DCTN1: variants seen among roughly 807,000 people sequenced by gnomAD.
DCTN1 encodes dynactin subunit 1.
DCTN1 carries 61 observed loss-of-function variants against 161.2 expected under a neutral mutation model. The ratio of observed to expected loss-of-function variants is 0.38; its 90% CI spans 0.31 to 0.47. DCTN1 has a LOEUF of 0.47. Ranked by LOEUF, DCTN1 falls within the 20% of genes least tolerant of loss-of-function variation. The pLI is 0.99. For missense variants in DCTN1, 1,404 were observed against 1,623.7 expected (o/e 0.86, Z 2.33); for synonymous variants, 653 against 632.4 (o/e 1.03, Z -0.49).
chr2:74,382,785 T>C (rs901186661), upstream of DCTN1, among the ~76,000 whole-genome samples: 2 of 151,888 alleles, frequency 1.3e-5, no homozygotes, highest in African/African-American at 2.4e-5. Flanking sequence ...TTAAAAAATA[T>C]GTGGAGGCCG....
chr2:74,377,830 C>T, intron 2 of DCTN1, 104 bp from the exon 3 acceptor site: 3 of 1,451,976 alleles, frequency 2.1e-6, no homozygotes, highest in Non-Finnish European at 2.9e-6. Flanking sequence ...ACCAAGAGTA[C>T]AGGGCAGCTT....
intron 3 of DCTN1, 82 bp from the exon 4 acceptor site, chr2:74,377,548 GA>G (rs1451773367): frequency 1.8e-5 from 27 of 1,532,648 alleles, no homozygotes; most frequent in Non-Finnish European, 2.4e-5. Flanking sequence ...GGTAGTGACG[GA>G]AAAAAATCTT....
In DCTN1 at chr2:74,363,140, G is replaced by C. The variant is rs751698014; in HGVS notation, c.3383C>G (p.Pro1128Arg). 1.2e-6 allele frequency: 2 copies of C among 1,614,038 alleles called. No individual in the cohort carries two copies. Among genetic ancestry groups the C allele is most frequent in the Non-Finnish European group, 1.7e-6 (2 of 1,180,014 alleles). Residue 1128 changes from proline (P) to arginine (R), a missense_variant, in exon 29 of 32, where the codon CCT (proline) becomes CGT (arginine). Coordinates refer to ENST00000628224, the MANE Select transcript of DCTN1 (RefSeq NM_004082.5). Reference protein sequence around the residue: ...QMKASLASLPPLHVAKLSHEG... With the variant: ...QMKASLASLPRLHVAKLSHEG... ...ATGGGATAGCTTTGCAACATGCAGA[G>C]GGGGCAGGGATGCCAAGGATGCCTT...
chr2:74,379,988 A>AG lies in DCTN1; in HGVS notation c.33+16dup. 1 of 1,613,908 alleles carries AG rather than the reference A, an allele frequency of 6.2e-7. No individual in the cohort carries two copies. The highest frequency in any genetic ancestry group is 8.5e-7 in the Non-Finnish European group (1 of 1,179,826). Reference sequence around the variant, plus strand: ...CCCAGCAGCCCTCCAGGGCCATCCCAGATTAGGGCCACTTACCCGGCTGTA... The same window carrying AG: ...CCCAGCAGCCCTCCAGGGCCATCCCAGGATTAGGGCCACTTACCCGGCTGTA... On this transcript the variant is annotated intron_variant, in intron 1 of 31. Coordinates refer to ENST00000628224, the MANE Select transcript of DCTN1 (RefSeq NM_004082.5).
At position 74,368,058 on chromosome 2, in the gene DCTN1, C is replaced by G. The variant is rs555733849; in HGVS notation, c.1928G>C (p.Arg643Pro). 6.2e-7 allele frequency: 1 copy of G among 1,613,474 alleles called. No homozygotes were observed. Among genetic ancestry groups the G allele is most frequent in the Non-Finnish European group, 8.5e-7 (1 of 1,179,688 alleles). ...GCTGAGTTGCTCCCCAGCAGCTCCT[C>G]GCAGCCCAGGCCGCTCTGAACAGTT... ...SENCSERPGL[R>P]GAAGEQLSFA... Residue 643 changes from arginine (R) to proline (P), a missense_variant, in exon 17 of 32, where the codon CGA becomes CCA. Coordinates refer to ENST00000628224, the MANE Select transcript of DCTN1 (RefSeq NM_004082.5).
At chr2:74,384,476 G>T (rs979501195), upstream of DCTN1, among the ~76,000 whole-genome samples, 71 of 152,284 alleles carry the variant, frequency 4.7e-4, no homozygotes, top group African/African-American at 1.7e-3. Flanking sequence ...CCTCTCCAAT[G>T]ATATTAAATA....
At chr2:74,391,557 G>C (rs143942360) in intron 1 of DCTN1, 2 of 327,966 alleles carry the variant, frequency 6.1e-6, no homozygotes, top group East Asian at 9.9e-5. Context: ...AGTTCTGGAG[G>C]AACTCTAAGG....
At position 74,368,521 on chromosome 2, in the gene DCTN1, C is replaced by A. The variant is rs951554176; in HGVS notation, c.1854+207G>T. On this transcript the variant is annotated intron_variant, in intron 16 of 31. Transcript: ENST00000628224. Reference sequence around the variant, plus strand: ...CACCCTGCTCACCTCTAAATCAAATCTCTAATTGTGCTCTCTCACAGAACC... The same window carrying A: ...CACCCTGCTCACCTCTAAATCAAATATCTAATTGTGCTCTCTCACAGAACC... The A allele has an allele frequency of 3.7e-5, 27 of 730,786 alleles. No homozygotes were observed. In the African/African-American group the frequency reaches 4.4e-4, roughly 12 times the overall value. The allele number at this position is 730,786 out of a possible 1,614,324, so 45.3% of individuals were successfully genotyped here.
chr2:74,389,815 G>A (rs553670710), intron 1 of DCTN1, among the ~76,000 whole-genome samples: 18 of 152,286 alleles, frequency 1.2e-4, no homozygotes, highest in African/African-American at 4.3e-4. Flanking sequence ...GTTCTGTAAA[G>A]TGTCATACAT....
At chr2:74,364,750 T>A (rs1674274488) in intron 26 of DCTN1, 2 of 402,636 alleles carry the variant, frequency 5.0e-6, no homozygotes, top group Admixed American at 3.6e-5. Context: ...AGCCTGCTGC[T>A]GGCTGACAAC....
rs973566164 is a variant in DCTN1, at chr2:74,374,703, C to G, written c.415-363G>C. The G allele has an allele frequency of 4.2e-6, 5 of 1,193,086 alleles. No individual in the cohort carries two copies. The Admixed American group carries it at 1.8e-4, about 43-fold the overall frequency. 73.9% of individuals were successfully genotyped at this position (1,193,086 alleles called of 1,614,324 possible). A position where few individuals can be genotyped will look rare whatever the true frequency, so the allele number is the denominator to read the frequency against. ...CCAGCTCCACCTGACGTCATGCACC[C>G]ACCCTCCTCTGCTCCATGGGGGTGG... On this transcript the variant is annotated intron_variant, in intron 5 of 31. Transcript: ENST00000628224.
At chr2:74,376,269 G>A (rs1289340161) in intron 5 of DCTN1, among the ~76,000 whole-genome samples, 2 of 152,068 alleles carry the variant, frequency 1.3e-5, no homozygotes, top group East Asian at 1.9e-4. Context: ...GGCACATGAA[G>A]GCTCTTAGGT....
rs141695917 is a variant in DCTN1, at chr2:74,373,297, C to T, written c.433-349G>A. 4.2e-4 allele frequency: 161 copies of T among 383,990 alleles called. 1 individual carries two copies. The highest frequency in any genetic ancestry group is 3.2e-3 in the African/African-American group (152 of 48,224). The allele number at this position is 383,990 out of a possible 1,614,324, so 23.8% of individuals were successfully genotyped here. A position where few individuals can be genotyped will look rare whatever the true frequency, so the allele number is the denominator to read the frequency against. On this transcript the variant is annotated intron_variant, in intron 6 of 31. Transcript: ENST00000628224. ...AGGTCCCATGAGACCAGTCCTCCTG[C>T]TAACGATCTCTCCAACTCCAGTCCA...
At position 74,361,276 on chromosome 2, in the gene DCTN1, G is replaced by A. The variant is rs1161355561; in HGVS notation, c.*223C>T. ...AGCCCTGAGGCCCCTCAGGAAGGAG[G>A]GAGCAGTTGAACAACAAATTATGGC... is the stretch of plus-strand genomic sequence containing the variant. On this transcript the variant is annotated 3_prime_UTR_variant, in exon 32 of 32. Coordinates refer to ENST00000628224, the MANE Select transcript of DCTN1 (RefSeq NM_004082.5). 4 of 706,986 alleles carry A rather than the reference G, an allele frequency of 5.7e-6. No homozygotes were observed. The highest frequency in any genetic ancestry group is 4.5e-5 in the South Asian group (3 of 67,076). 43.8% of individuals were successfully genotyped at this position (706,986 alleles called of 1,614,324 possible).
intron 4 of DCTN1, 29 bp from the exon 5 acceptor site, chr2:74,376,791 T>C (rs745577785): frequency 6.3e-7 from 1 of 1,596,192 alleles, no homozygotes; most frequent in South Asian, 1.1e-5. Context: ...AGGGCAGAGT[T>C]AGAGAACAGA....
At chr2:74,380,979 C>G (rs1378704704), upstream of DCTN1, among the ~76,000 whole-genome samples, 1 of 152,204 alleles carries the variant, frequency 6.6e-6, no homozygotes, top group Non-Finnish European at 1.5e-5. Context: ...AGGCCCAGTC[C>G]ACCTCAGTCA....
rs55862001 is a variant in DCTN1, at chr2:74,371,596, T to C, written c.586A>G (p.Ile196Val). 9,756 of 1,588,362 alleles carry C rather than the reference T, an allele frequency of 6.1e-3. 40 individuals carry two copies. Among genetic ancestry groups the C allele is most frequent in the Non-Finnish European group, 7.0e-3 (8,188 of 1,167,878 alleles). Residue 196 changes from isoleucine (I) to valine (V), a missense_variant, in exon 8 of 32, where the codon ATC (isoleucine) becomes GTC (valine). Coordinates refer to ENST00000628224, the MANE Select transcript of DCTN1 (RefSeq NM_004082.5). ...PAQTPLAAPI[I>V]PTPVLTSPGA... ...GGAGAGGTGAGGACCGGCGTGGGGA[T>C]GATGGGTGCTGCCAGCGGAGTCTGA...
At chr2:74,391,866 C>CCGGG (rs1676027956) in exon 1 of DCTN1, 1 of 451,212 alleles carries the variant, frequency 2.2e-6, no homozygotes, top group African/African-American at 2.0e-5. Flanking sequence ...GCGGGGCCGG[C>CCGGG]CCCGCCCTCC....
rs1354510194 is a variant in DCTN1 at position 74,368,567 on chromosome 2, C to A, written c.1854+161G>T. On this transcript the variant is annotated intron_variant, in intron 16 of 31. Transcript: ENST00000628224. ...GAACCTATCTCTCCTTGAAAACACACCATTTGTAATATATATTAATCGGTG... is the reference window on the plus strand; with the variant it reads ...GAACCTATCTCTCCTTGAAAACACAACATTTGTAATATATATTAATCGGTG... 4 of 951,560 alleles carry A rather than the reference C, an allele frequency of 4.2e-6. No homozygotes were observed. The East Asian group carries it at 1.0e-4, about 25-fold the overall frequency. The allele number at this position is 951,560 out of a possible 1,614,324, so 58.9% of individuals were successfully genotyped here. A position where few individuals can be genotyped will look rare whatever the true frequency, so the allele number is the denominator to read the frequency against.
Sources: gnomAD v4.1 joint callset for allele counts (sites outside exome capture counted in the v4.1 genomes callset) on GRCh38, gnomAD v4.1.1 for gene constraint, MANE v1.5 for transcripts, NCBI Gene and HGNC (gene_info 2026-07-23, HGNC 2026-07-21) for gene names.